The following IL1RAP variants were observed in gnomAD, a reference collection of about 807,000 sequenced individuals.
IL1RAP encodes interleukin-1 receptor accessory protein.
A neutral mutation model predicts 60.7 loss-of-function variants in IL1RAP; 35 were observed. The ratio of observed to expected loss-of-function variants is 0.58; its 90% CI spans 0.44 to 0.76. The LOEUF (loss-of-function observed/expected upper bound fraction) is 0.76, where lower values mean the gene tolerates loss of function less well. IL1RAP is among the 30% of genes least tolerant of loss of function. The pLI is 0.00. For missense variants in IL1RAP, 572 were observed against 693.9 expected, an observed-to-expected ratio of 0.82 and a Z score of 1.97; for synonymous variants, 268 against 250.9, an observed-to-expected ratio of 1.07 and a Z score of -0.64.
At chr3:190,587,930 G>A (rs187010599) in intron 3 of IL1RAP, among the ~76,000 whole-genome samples, 1 of 152,200 alleles carries the variant, frequency 6.6e-6, no homozygotes, top group Non-Finnish European at 1.5e-5. Flanking sequence ...TGGGATCAAA[G>A]GATATAATAT....
At chr3:190,580,578 T>G (rs1727907644) in intron 3 of IL1RAP, among the ~76,000 whole-genome samples, 1 of 152,124 alleles carries the variant, frequency 6.6e-6, no homozygotes, top group Admixed American at 6.6e-5. Context: ...GCTATTTACA[T>G]GAGGAATCTA....
intron 11 of IL1RAP, among the ~76,000 whole-genome samples, chr3:190,647,148 T>G (rs951606361): frequency 1.3e-5 from 2 of 152,198 alleles, no homozygotes; most frequent in African/African-American, 4.8e-5. Flanking sequence ...TTACCCAATC[T>G]TCTTTGACTC....
Position 190,537,294 on chromosome 3 carries a change from C to T in IL1RAP, c.-88-18836C>T, listed in dbSNP as rs776459079. Among the ~76,000 whole-genome samples the T allele has an allele frequency of 5.9e-5, 9 of 152,038 alleles. 1 individual carries two copies. The highest frequency in any genetic ancestry group is 5.9e-5 in the Non-Finnish European group (4 of 67,974). On this transcript the variant is annotated intron_variant, in intron 1 of 11. Transcript: ENST00000447382. ...GAGTTTGGCAACCTGCTTGAGTTTC[C>T]TAGGCATCCCATGAGTCCTCTCTGT...
chr3:190,646,776 A>G (rs1341193515), intron 11 of IL1RAP, among the ~76,000 whole-genome samples: 1 of 152,134 alleles, frequency 6.6e-6, no homozygotes, highest in African/African-American at 2.4e-5. Context: ...GATAATTGAG[A>G]TAGACTTGAA....
chr3:190,567,344 T>A (rs962327084), intron 3 of IL1RAP, among the ~76,000 whole-genome samples: 1 of 152,226 alleles, frequency 6.6e-6, no homozygotes, highest in African/African-American at 2.4e-5. Context: ...ATAATTATAA[T>A]GTGCTAGTTA....
intron 3 of IL1RAP, among the ~76,000 whole-genome samples, chr3:190,573,052 A>G (rs1188825859): frequency 2.4e-5 from 2 of 82,116 alleles, no homozygotes; most frequent in Non-Finnish European, 2.8e-5. Context: ...TTTAGTAGAG[A>G]CGGGGTTTCA....
intron 7 of IL1RAP, among the ~76,000 whole-genome samples, chr3:190,627,064 G>A (rs1284811521): frequency 6.6e-6 from 1 of 152,006 alleles, no homozygotes; most frequent in Non-Finnish European, 1.5e-5. Context: ...AAAGTTGATG[G>A]CCTTCTTTAT....
rs148835947 is a variant in IL1RAP, at chr3:190,609,010, C to T, written c.366C>T (p.Cys122=). 92 of 1,612,730 alleles carry T rather than the reference C, an allele frequency of 5.7e-5. No individual in the cohort carries two copies. The African/African-American group carries it at 1.2e-3, about 20-fold the overall frequency. Residue 122 remains cysteine (C), a synonymous_variant, in exon 5 of 12, where the codon TGC becomes TGT. Transcript: ENST00000447382. ...YTCMLRNTTY[C]SKVAFPLEVV... ...CTTTTTTCAGGAACACTACATATTG[C>T]AGCAAAGTTGCATTTCCCTTGGAAG... is the stretch of plus-strand genomic sequence containing the variant.
At chr3:190,625,408 C>T (rs141546954) in intron 7 of IL1RAP, among the ~76,000 whole-genome samples, 3 of 151,916 alleles carry the variant, frequency 2.0e-5, no homozygotes, top group East Asian at 1.9e-4. Flanking sequence ...GGCATCAGGG[C>T]GGGCAGCAAA....
intron 1 of IL1RAP, among the ~76,000 whole-genome samples, chr3:190,554,316 G>A (rs1053107275): frequency 6.6e-6 from 1 of 152,076 alleles, no homozygotes; most frequent in African/African-American, 2.4e-5. Flanking sequence ...AGTCCTGCTA[G>A]CAGGCTTCCC....
intron 5 of IL1RAP, among the ~76,000 whole-genome samples, chr3:190,609,602 C>T (rs1176883500): frequency 6.6e-6 from 1 of 151,978 alleles, no homozygotes; most frequent in Admixed American, 6.6e-5. Flanking sequence ...GAGCACTGTC[C>T]ATCTATGGTC....
At chr3:190,584,866 C>CA (rs960969874) in intron 3 of IL1RAP, among the ~76,000 whole-genome samples, 1 of 152,150 alleles carries the variant, frequency 6.6e-6, no homozygotes, top group Admixed American at 6.5e-5. Flanking sequence ...TAGGTCTACT[C>CA]AGTATGTTTA....
chr3:190,602,554 A>T (rs1729953568), intron 3 of IL1RAP, among the ~76,000 whole-genome samples: 1 of 152,186 alleles, frequency 6.6e-6, no homozygotes, highest in Non-Finnish European at 1.5e-5. Context: ...TTGCATGTGG[A>T]GATAGTGGAA....
At chr3:190,599,690 T>C (rs1167670661) in intron 3 of IL1RAP, among the ~76,000 whole-genome samples, 1 of 150,252 alleles carries the variant, frequency 6.7e-6, no homozygotes, top group Non-Finnish European at 1.5e-5. Context: ...AGAACTTTCT[T>C]GGTATTTTGG....
intron 9 of IL1RAP, among the ~76,000 whole-genome samples, chr3:190,634,373 C>T (rs1007041196): frequency 6.6e-6 from 1 of 150,598 alleles, no homozygotes; most frequent in Non-Finnish European, 1.5e-5. Context: ...AGTGCAACCT[C>T]CACCTCCTGG....
At chr3:190,519,457 C>G (rs772563495) in intron 1 of IL1RAP, among the ~76,000 whole-genome samples, 30 of 152,266 alleles carry the variant, frequency 2.0e-4, no homozygotes, top group South Asian at 8.3e-4. Flanking sequence ...GACTTATAGA[C>G]TTGCCCAAGG....
chr3:190,558,092 GTTA>G (rs975509961), intron 2 of IL1RAP, among the ~76,000 whole-genome samples: 2 of 152,162 alleles, frequency 1.3e-5, no homozygotes, highest in African/African-American at 2.4e-5. Context: ...ATTCATCCAA[GTTA>G]TTATATCAAC....
chr3:190,609,219 G>C (rs765559898), intron 5 of IL1RAP, 38 bp downstream of exon 5: 3 of 1,398,440 alleles, frequency 2.1e-6, no homozygotes, highest in Non-Finnish European at 2.0e-6. Context: ...CTCTCTAATG[G>C]CTTATAAAAT....
At chr3:190,561,550 A>G (rs773295090) in intron 2 of IL1RAP, among the ~76,000 whole-genome samples, 3 of 152,200 alleles carry the variant, frequency 2.0e-5, no homozygotes, top group Non-Finnish European at 4.4e-5. Flanking sequence ...AGAATGTCTT[A>G]TAAATGTTGC....
Sources: allele counts gnomAD v4.1 joint callset (sites outside exome capture counted in the v4.1 genomes callset), GRCh38; gene constraint gnomAD v4.1.1; transcripts MANE v1.5; gene names NCBI Gene and HGNC (gene_info 2026-07-23, HGNC 2026-07-21).